The following PTGER3 variants were observed in gnomAD, a reference collection of about 807,000 sequenced individuals.
PTGER3 encodes the protein prostaglandin E2 receptor EP3 subtype.
Under a neutral mutation model 34.7 loss-of-function variants are expected in PTGER3, and 22 were observed. That is an observed-to-expected ratio of 0.63 (90% CI 0.45 to 0.91). The LOEUF (loss-of-function observed/expected upper bound fraction) is 0.91, where lower values mean the gene tolerates loss of function less well. Among genes scored for constraint, PTGER3 ranks in the 40% least tolerant of loss-of-function variants. The pLI is 0.00. For missense variants in PTGER3, 468 were observed against 519.4 expected, an observed-to-expected ratio of 0.90 and a Z score of 0.96; for synonymous variants, 241 against 230.1, an observed-to-expected ratio of 1.05 and a Z score of -0.43.
At position 71,041,178 on chromosome 1, in the gene PTGER3, T is replaced by A. The variant is rs74877759; in HGVS notation, c.897+5503A>T. 5.3e-3 allele frequency among the ~76,000 whole-genome samples: 814 copies of A among 152,314 alleles called. 4 individuals carry two copies. Among genetic ancestry groups the A allele is most frequent in the Non-Finnish European group, 8.2e-3 (561 of 68,028 alleles). On this transcript the variant is annotated intron_variant, in intron 1 of 3. Coordinates refer to ENST00000306666, the MANE Select transcript of PTGER3 (RefSeq NM_198719.2). ...AATATATTGTAAGATCAAAGATGCG[T>A]TTAATACGTTTAATACACCTAACAT...
At chr1:70,882,902 G>C (rs551501283) in intron 4 of PTGER3, among the ~76,000 whole-genome samples, 1 of 152,136 alleles carries the variant, frequency 6.6e-6, no homozygotes, top group Admixed American at 6.5e-5. Flanking sequence ...TGGCCTGCAG[G>C]GTCAGTGTTC....
intron 4 of PTGER3, among the ~76,000 whole-genome samples, chr1:70,887,658 G>A (rs1646526680): frequency 6.6e-6 from 1 of 151,416 alleles, no homozygotes; most frequent in South Asian, 2.1e-4. Flanking sequence ...ATTTTTCTCT[G>A]TATATAAATT....
intron 4 of PTGER3, among the ~76,000 whole-genome samples, chr1:70,854,447 T>C (rs1572457267): frequency 6.6e-6 from 1 of 152,296 alleles, no homozygotes; most frequent in East Asian, 1.9e-4. Context: ...GGTTTGGCTC[T>C]GGGTCCCCAC....
At chr1:70,967,723 C>G (rs547303374), downstream of PTGER3, among the ~76,000 whole-genome samples, 107 of 152,156 alleles carry the variant, frequency 7.0e-4, 1 homozygote, top group African/African-American at 2.4e-3. Context: ...AAATGTGCTT[C>G]CAATTACAAA....
intron 4 of PTGER3, among the ~76,000 whole-genome samples, chr1:70,902,745 G>A (rs1646866757): frequency 6.6e-6 from 1 of 152,174 alleles, no homozygotes; most frequent in Admixed American, 6.5e-5. Context: ...GGTTAGGGCA[G>A]GAGGCAGAGC....
At chr1:71,016,582 CCCCTGAA>C (rs551884569) in intron 1 of PTGER3, among the ~76,000 whole-genome samples, 4 of 151,944 alleles carry the variant, frequency 2.6e-5, no homozygotes, top group Non-Finnish European at 4.4e-5. Flanking sequence ...GCAGATGGAT[CCCCTGAA>C]CCCAGCAGTT....
intron 2 of PTGER3, among the ~76,000 whole-genome samples, chr1:70,979,600 C>T (rs143744965): frequency 3.2e-4 from 49 of 152,178 alleles, no homozygotes; most frequent in Non-Finnish European, 5.7e-4. Flanking sequence ...CAAAAATAAA[C>T]GGTTTCCCCT....
chr1:70,871,704 T>C (rs1646166818), intron 4 of PTGER3, among the ~76,000 whole-genome samples: 2 of 152,150 alleles, frequency 1.3e-5, no homozygotes, highest in Non-Finnish European at 2.9e-5. Context: ...TTAATGTGAA[T>C]GCAAACCTTA....
intron 2 of PTGER3, among the ~76,000 whole-genome samples, chr1:70,990,388 T>C (rs7512661): frequency 0.12 from 6,821 of 55,216 alleles, 242 homozygotes; most frequent in African/African-American, 0.18. Context: ...CACACACACA[T>C]ATATATATAT....
chr1:70,909,328 G>A (rs1647014775), intron 4 of PTGER3, among the ~76,000 whole-genome samples: 1 of 152,144 alleles, frequency 6.6e-6, no homozygotes, highest in South Asian at 2.1e-4. Context: ...CTTAAGAGAA[G>A]CCTGTGCTTT....
chr1:70,928,868 TACACACACAC>T (rs34765576), intron 4 of PTGER3, among the ~76,000 whole-genome samples: 2 of 147,172 alleles, frequency 1.4e-5, no homozygotes, highest in African/African-American at 5.0e-5. Context: ...AATTTACAGA[TACACACACAC>T]ACACACACAC....
intron 1 of PTGER3, among the ~76,000 whole-genome samples, chr1:71,026,016 T>C (rs934866382): frequency 4.6e-5 from 7 of 152,180 alleles, no homozygotes; most frequent in Admixed American, 4.6e-4. Flanking sequence ...GTAATAAATA[T>C]TTAAAATACC....
downstream of PTGER3, among the ~76,000 whole-genome samples, chr1:70,949,334 C>G (rs999034232): frequency 3.3e-5 from 5 of 152,072 alleles, no homozygotes; most frequent in Non-Finnish European, 5.9e-5. Context: ...AAATTAATTC[C>G]ACATCTCTAA....
chr1:70,882,849 C>T (rs1032740661), intron 4 of PTGER3, among the ~76,000 whole-genome samples: 1 of 152,186 alleles, frequency 6.6e-6, no homozygotes, highest in Non-Finnish European at 1.5e-5. Flanking sequence ...TGCTCTGTGT[C>T]CCCTGCTGCC....
At chr1:70,968,575 C>T (rs1337268582), downstream of PTGER3, among the ~76,000 whole-genome samples, 4 of 151,864 alleles carry the variant, frequency 2.6e-5, no homozygotes, top group African/African-American at 9.7e-5. Flanking sequence ...TTTGAGTACA[C>T]ATATAACATA....
chr1:70,879,227 C>T (rs1305965109), intron 4 of PTGER3, among the ~76,000 whole-genome samples: 4 of 149,306 alleles, frequency 2.7e-5, no homozygotes, highest in Admixed American at 6.8e-5. Flanking sequence ...ATGTAATGCC[C>T]TTCTGTCCTT....
At chr1:70,902,835 C>G (rs1349010287) in intron 4 of PTGER3, among the ~76,000 whole-genome samples, 1 of 152,134 alleles carries the variant, frequency 6.6e-6, no homozygotes, top group Non-Finnish European at 1.5e-5. Context: ...GTTAGTGAAT[C>G]AGAGAGGGGG....
chr1:70,941,448 C>T (rs927689231), intron 4 of PTGER3, among the ~76,000 whole-genome samples: 1 of 152,040 alleles, frequency 6.6e-6, no homozygotes, highest in Non-Finnish European at 1.5e-5. Context: ...CATGTGATTC[C>T]AATTACATTT....
At chr1:70,888,135 A>G (rs1469264782) in intron 4 of PTGER3, among the ~76,000 whole-genome samples, 1 of 152,200 alleles carries the variant, frequency 6.6e-6, no homozygotes, top group East Asian at 1.9e-4. Context: ...AGGAGCAGAG[A>G]ACAGACTCAA....
Sources: gnomAD v4.1 joint callset for allele counts (sites outside exome capture counted in the v4.1 genomes callset) on GRCh38, gnomAD v4.1.1 for gene constraint, MANE v1.5 for transcripts, NCBI Gene and HGNC (gene_info 2026-07-23, HGNC 2026-07-21) for gene names.